The following MAP7D2 variants were observed in gnomAD, a reference collection of about 807,000 sequenced individuals.
MAP7D2 encodes the protein MAP7 domain containing 2, also known as MAP7 domain-containing protein 2.
Under a neutral mutation model 63.5 loss-of-function variants are expected in MAP7D2, and 33 were observed. That is an observed-to-expected ratio of 0.52 (90% CI 0.39 to 0.70). MAP7D2 has a LOEUF of 0.70. MAP7D2 is among the 30% of genes least tolerant of loss of function. The pLI is 0.00. For missense variants in MAP7D2, 626 were observed against 604.0 expected, an observed-to-expected ratio of 1.04 and a Z score of -0.38; for synonymous variants, 224 against 223.7, an observed-to-expected ratio of 1.00 and a Z score of -0.01.
At chrX:20,057,394 C>CA (rs1343108740) in intron 3 of MAP7D2, among the ~76,000 whole-genome samples, 125 of 102,833 alleles carry the variant, frequency 1.2e-3, no homozygotes, top group South Asian at 3.9e-3. Flanking sequence ...CTTCTGGCCA[C>CA]AAAAAAAAAA....
chrX:20,086,450 T>G (rs1252682627), intron 1 of MAP7D2, among the ~76,000 whole-genome samples: 1 of 112,041 alleles, frequency 8.9e-6, no homozygotes, highest in East Asian at 2.8e-4. Flanking sequence ...TATGAAAAGG[T>G]AGACACTACA....
At chrX:20,022,725 G>A (rs775403168) in intron 10 of MAP7D2, among the ~76,000 whole-genome samples, 1 of 111,612 alleles carries the variant, frequency 9.0e-6, no homozygotes, top group Non-Finnish European at 1.9e-5. Flanking sequence ...AGGGAAGTTT[G>A]GGGAAAAAAT....
Position 20,016,262 on chromosome X carries a change from G to T in MAP7D2, c.1476C>A (p.Ala492=), listed in dbSNP as rs759006594. The stretch of plus-strand genomic sequence containing the variant: ...GCTTCCTTTCTTCTTCCTGCTTTCG[G>T]GCTTCCTCTTCTAGGCGAAGCCTTT... ...EEERLRLEEE[A]RKQEEERKRQ... is the part of the protein sequence containing the mutation. The change falls in exon 11 of 17, where the codon GCC becomes GCA. Residue 492 remains alanine, a synonymous_variant. Coordinates refer to ENST00000379643, the MANE Select transcript of MAP7D2 (RefSeq NM_001168465.2). 8.3e-7 allele frequency: 1 copy of T among 1,209,780 alleles called. No homozygotes were observed. Among genetic ancestry groups the T allele is most frequent in the South Asian group, 1.8e-5 (1 of 56,846 alleles).
intron 6 of MAP7D2, among the ~76,000 whole-genome samples, chrX:20,045,637 G>A (rs893002961): frequency 9.1e-5 from 10 of 109,805 alleles, no homozygotes; most frequent in Middle Eastern, 4.6e-3. Flanking sequence ...CAAACCTGGG[G>A]TGGTCTTGGG....
chrX:20,030,410 G>A (rs1262120577), intron 8 of MAP7D2, among the ~76,000 whole-genome samples: 1 of 111,965 alleles, frequency 8.9e-6, no homozygotes, highest in Non-Finnish European at 1.9e-5. Flanking sequence ...CACAAGGTGT[G>A]TTTAGGATGG....
chrX:20,093,548 T>C, intron 1 of MAP7D2, among the ~76,000 whole-genome samples: 1 of 110,699 alleles, frequency 9.0e-6, no homozygotes, highest in Middle Eastern at 4.6e-3. Flanking sequence ...TCGGAGCTAC[T>C]CAGGAGGCTG....
intron 1 of MAP7D2, among the ~76,000 whole-genome samples, chrX:20,068,953 T>C (rs951082297): frequency 8.9e-6 from 1 of 111,819 alleles, no homozygotes; most frequent in Non-Finnish European, 1.9e-5. Flanking sequence ...GCCGCTGCCA[T>C]GTAAGAAATG....
intron 1 of MAP7D2, among the ~76,000 whole-genome samples, chrX:20,097,031 C>T (rs1466657874): frequency 9.0e-6 from 1 of 111,263 alleles, no homozygotes; most frequent in Non-Finnish European, 1.9e-5. Flanking sequence ...TCTATCTTTC[C>T]TATTAGTAGC....
intron 12 of MAP7D2, among the ~76,000 whole-genome samples, chrX:20,014,106 A>G (rs1391567456): frequency 3.6e-5 from 4 of 112,565 alleles, no homozygotes; most frequent in East Asian, 2.8e-4. Context: ...AATTTTACCC[A>G]TAAGTATAGT....
chrX:20,019,333 G>A (rs1211227785), intron 10 of MAP7D2, among the ~76,000 whole-genome samples: 3 of 111,853 alleles, frequency 2.7e-5, no homozygotes, highest in African/African-American at 9.8e-5. Flanking sequence ...GGCCCTGTGT[G>A]TAGTCCTGTC....
At chrX:20,044,310 C>T in intron 7 of MAP7D2, 54 bp downstream of exon 7, 2 of 1,130,280 alleles carry the variant, frequency 1.8e-6, no homozygotes, top group Admixed American at 4.5e-5. Flanking sequence ...GTAATCACAC[C>T]ATCAGACAGA....
chrX:20,022,676 G>GT (rs779814308), intron 10 of MAP7D2, among the ~76,000 whole-genome samples: 1 of 111,880 alleles, frequency 8.9e-6, no homozygotes, highest in East Asian at 2.8e-4. Flanking sequence ...TTTCACTTGG[G>GT]TGTCTGAGGA....
chrX:20,084,539 T>C (rs2065857724), intron 1 of MAP7D2, among the ~76,000 whole-genome samples: 2 of 50,450 alleles, frequency 4.0e-5, no homozygotes, highest in Middle Eastern at 0.011. Flanking sequence ...CCTCCCTTCC[T>C]TCCTGTTCCC....
rs2073258517 is a variant in MAP7D2, at chrX:20,013,097, C to T, written c.1842G>A (p.Val614=). 1 of 1,209,907 alleles carries T rather than the reference C, an allele frequency of 8.3e-7. No individual in the cohort carries two copies. Among genetic ancestry groups the T allele is most frequent in the African/African-American group, 1.7e-5 (1 of 57,373 alleles). ...CCAGTTTTGTCTTCTTTTCCACACA[C>T]ACAGCAGGCTGGACCCCCACTTTGG... ...EDPKVGVQPA[V]CVEKKTKLVV... Residue 614 remains valine, a synonymous_variant, in exon 14 of 17, where the codon GTG becomes GTA. Coordinates refer to ENST00000379643, the MANE Select transcript of MAP7D2 (RefSeq NM_001168465.2).
At chrX:20,026,805 T>C (rs1204381648) in intron 8 of MAP7D2, among the ~76,000 whole-genome samples, 3 of 111,638 alleles carry the variant, frequency 2.7e-5, no homozygotes, top group African/African-American at 9.8e-5. Context: ...ACAGCTTAGC[T>C]TGAGATGCCC....
rs185704203 is a variant in MAP7D2, at chrX:20,062,223, G to A, written c.372+1191C>T. ...ATTCCTGTAACTACCTCTGTTTTGG[G>A]CTAAGGAGACAGAGTTAGAGGGGCA... On this transcript the variant is annotated intron_variant, in intron 3 of 16. Transcript: ENST00000379643. 8.0e-5 allele frequency among the ~76,000 whole-genome samples: 9 copies of A among 111,999 alleles called. No individual in the cohort carries two copies. In the Admixed American group the frequency reaches 8.5e-4, roughly 11 times the overall value.
chrX:20,017,311 A>C (rs2073433654), intron 10 of MAP7D2: 2 of 112,708 alleles, frequency 1.8e-5, no homozygotes, highest in South Asian at 3.7e-4. Flanking sequence ...TACAATTTAA[A>C]ATGAATCCTC....
chrX:20,025,805 T>C lies in MAP7D2; in HGVS notation c.1155A>G (p.Glu385=). Reference sequence around the variant, plus strand: ...CAGCAGCCTGCTGAGCCAAGGTACCTTCCCTTTCCTTGTTGCTCTTCTCTT... The same window carrying C: ...CAGCAGCCTGCTGAGCCAAGGTACCCTCCCTTTCCTTGTTGCTCTTCTCTT... ...AEKEKSNKER[E]GTLAQQAAGP... is the part of the protein sequence containing the mutation. Residue 385 remains glutamate, a synonymous_variant, in exon 9 of 17, where the codon GAA becomes GAG. Coordinates refer to ENST00000379643, the MANE Select transcript of MAP7D2 (RefSeq NM_001168465.2). 3 of 1,211,810 alleles carry C rather than the reference T, an allele frequency of 2.5e-6. No homozygotes were observed. Among genetic ancestry groups the C allele is most frequent in the Non-Finnish European group, 3.4e-6 (3 of 895,517 alleles).
chrX:20,112,566 A>G (rs2066774427), intron 1 of MAP7D2, among the ~76,000 whole-genome samples: 1 of 110,942 alleles, frequency 9.0e-6, no homozygotes, highest in African/African-American at 3.3e-5. Flanking sequence ...CCATATTTAA[A>G]TGCGGCCGAC....
Sources: allele counts gnomAD v4.1 joint callset (sites outside exome capture counted in the v4.1 genomes callset), GRCh38; gene constraint gnomAD v4.1.1; transcripts MANE v1.5; gene names NCBI Gene and HGNC (gene_info 2026-07-23, HGNC 2026-07-21).